The following EEPD1 variants were observed in gnomAD, a reference collection of about 807,000 sequenced individuals.
The protein encoded by EEPD1 is endonuclease/exonuclease/phosphatase family domain containing 1.
Under a neutral mutation model 46.3 loss-of-function variants are expected in EEPD1, and 17 were observed. The ratio of observed to expected loss-of-function variants is 0.37; its 90% CI spans 0.25 to 0.55. The LOEUF (loss-of-function observed/expected upper bound fraction) is 0.55, where lower values mean the gene tolerates loss of function less well. Among genes scored for constraint, EEPD1 ranks in the 20% least tolerant of loss-of-function variants. EEPD1 has a pLI of 0.83. For synonymous variants in EEPD1, 313 were observed against 315.6 expected, an observed-to-expected ratio of 0.99 and a Z score of 0.09; for missense variants, 673 against 745.6, an observed-to-expected ratio of 0.90 and a Z score of 1.13.
chr7:36,281,114 G>A lies in EEPD1; in HGVS notation c.931-1G>A. Reference sequence around the variant, plus strand: ...TTCTGACCTGTGCTCTGTCTTTGCAGTTCTGCACGGAGCTAAACCAGCCGA... The same window carrying A: ...TTCTGACCTGTGCTCTGTCTTTGCAATTCTGCACGGAGCTAAACCAGCCGA... On this transcript the variant is annotated splice_acceptor_variant, in intron 3 of 7. Coordinates refer to ENST00000242108, the MANE Select transcript of EEPD1 (RefSeq NM_030636.3). LOFTEE classifies it high-confidence loss of function. The A allele has an allele frequency of 1.9e-6, 3 of 1,614,008 alleles. No individual in the cohort carries two copies. The highest frequency in any genetic ancestry group is 2.5e-6 in the Non-Finnish European group (3 of 1,180,032).
chr7:36,218,101 T>C (rs1007131130), intron 2 of EEPD1, among the ~76,000 whole-genome samples: 1 of 152,204 alleles, frequency 6.6e-6, no homozygotes, highest in African/African-American at 2.4e-5. Flanking sequence ...GCAGAAACGA[T>C]ACTCTGATTG....
chr7:36,156,285 C>T (rs1474029602), intron 2 of EEPD1, among the ~76,000 whole-genome samples: 2 of 152,132 alleles, frequency 1.3e-5, no homozygotes, highest in Admixed American at 6.5e-5. Context: ...CAGGTCACAA[C>T]GTTTCCTTGG....
intron 2 of EEPD1, among the ~76,000 whole-genome samples, chr7:36,200,402 A>G (rs1785693478): frequency 6.6e-6 from 1 of 152,252 alleles, no homozygotes; most frequent in Admixed American, 6.5e-5. Flanking sequence ...TAAGTTGATT[A>G]CATGACTTTA....
intron 3 of EEPD1, among the ~76,000 whole-genome samples, chr7:36,266,631 A>G (rs1787023421): frequency 6.6e-6 from 1 of 152,226 alleles, no homozygotes; most frequent in Non-Finnish European, 1.5e-5. Context: ...ATTCAGCGGC[A>G]TTTAGGAGAG....
chr7:36,285,670 G>A (rs142165750), intron 5 of EEPD1, among the ~76,000 whole-genome samples: 4 of 152,312 alleles, frequency 2.6e-5, no homozygotes, highest in Admixed American at 2.6e-4. Flanking sequence ...CCGGTGCCTT[G>A]GAGCTCAGCA....
At chr7:36,175,037 G>A (rs1785152178) in intron 2 of EEPD1, among the ~76,000 whole-genome samples, 1 of 152,196 alleles carries the variant, frequency 6.6e-6, no homozygotes, top group South Asian at 2.1e-4. Context: ...TACAGAAAGA[G>A]CTGGATTGGT....
At chr7:36,157,362 G>T (rs12154575) in intron 2 of EEPD1, among the ~76,000 whole-genome samples, 43,991 of 152,120 alleles carry the variant, frequency 0.29, 6,601 homozygotes, top group African/African-American at 0.38. Context: ...AATGTGAAGG[G>T]TAGAGAATAG....
chr7:36,183,083 C>T (rs996449380), intron 2 of EEPD1, among the ~76,000 whole-genome samples: 3 of 152,164 alleles, frequency 2.0e-5, no homozygotes, highest in African/African-American at 4.8e-5. Context: ...GCCAGGAGGG[C>T]GGCCTCATCC....
chr7:36,274,919 A>T (rs1046506366), intron 3 of EEPD1, among the ~76,000 whole-genome samples: 1 of 152,190 alleles, frequency 6.6e-6, no homozygotes, highest in Non-Finnish European at 1.5e-5. Flanking sequence ...ATGAAAGTTC[A>T]GTCTCCTGAC....
chr7:36,195,564 G>A (rs868709519), intron 2 of EEPD1, among the ~76,000 whole-genome samples: 1 of 152,190 alleles, frequency 6.6e-6, no homozygotes, highest in Non-Finnish European at 1.5e-5. Context: ...GAAGCAGAGA[G>A]TAGAATGGTG....
chr7:36,243,721 C>T (rs1011627794), intron 3 of EEPD1, among the ~76,000 whole-genome samples: 9 of 152,088 alleles, frequency 5.9e-5, no homozygotes, highest in African/African-American at 2.2e-4. Flanking sequence ...TTATGTAAAA[C>T]CTAATGTGAG....
intron 2 of EEPD1, among the ~76,000 whole-genome samples, chr7:36,186,113 G>A (rs540241703): frequency 2.0e-5 from 3 of 152,270 alleles, no homozygotes; most frequent in Non-Finnish European, 4.4e-5. Context: ...AGCAAAATAT[G>A]AGCTTTGCAT....
intron 2 of EEPD1, among the ~76,000 whole-genome samples, chr7:36,237,756 G>C (rs182209852): frequency 6.6e-6 from 1 of 152,076 alleles, no homozygotes; most frequent in Non-Finnish European, 1.5e-5. Flanking sequence ...TTCAAGACCC[G>C]CCTGGCCAAC....
intron 2 of EEPD1, among the ~76,000 whole-genome samples, chr7:36,198,687 A>G (rs1396132898): frequency 6.6e-6 from 1 of 152,226 alleles, no homozygotes; most frequent in African/African-American, 2.4e-5. Flanking sequence ...TAGACATTCT[A>G]TATTCCTTGG....
intron 2 of EEPD1, among the ~76,000 whole-genome samples, chr7:36,156,900 T>TC (rs1784833972): frequency 6.6e-6 from 1 of 152,224 alleles, no homozygotes; most frequent in African/African-American, 2.4e-5. Context: ...CATGCAGAAC[T>TC]TTCCAGGTCT....
intron 2 of EEPD1, among the ~76,000 whole-genome samples, chr7:36,212,420 C>T (rs1309323588): frequency 6.6e-6 from 1 of 150,756 alleles, no homozygotes; most frequent in Admixed American, 6.7e-5. Flanking sequence ...CAAAGATATT[C>T]ATTAATCATA....
chr7:36,199,367 C>G (rs965719072), intron 2 of EEPD1, among the ~76,000 whole-genome samples: 1 of 152,132 alleles, frequency 6.6e-6, no homozygotes, highest in Non-Finnish European at 1.5e-5. Context: ...TACCTGCCCC[C>G]CCTTTAGAAT....
At position 36,229,639 on chromosome 7, in the gene EEPD1, C is replaced by T. The variant is rs1036681629; in HGVS notation, c.879-9346C>T. On this transcript the variant is annotated intron_variant, in intron 2 of 7. Coordinates refer to ENST00000242108, the MANE Select transcript of EEPD1 (RefSeq NM_030636.3). ...CATCATCTCCACCACCCCCTGCAGC[C>T]GCTCTCTCCAATGCCACCAGCCTTT... 2.6e-5 allele frequency among the ~76,000 whole-genome samples: 4 copies of T among 152,150 alleles called. No homozygotes were observed. In the East Asian group the frequency reaches 5.8e-4, roughly 22 times the overall value.
At chr7:36,292,306 T>A (rs1255794344) in intron 6 of EEPD1, among the ~76,000 whole-genome samples, 2 of 152,240 alleles carry the variant, frequency 1.3e-5, no homozygotes, top group Non-Finnish European at 2.9e-5. Flanking sequence ...GTCATCCAGC[T>A]GTTTTCTCTT....
Sources: gnomAD v4.1 joint callset for allele counts (sites outside exome capture counted in the v4.1 genomes callset) on GRCh38, gnomAD v4.1.1 for gene constraint, MANE v1.5 for transcripts, NCBI Gene and HGNC (gene_info 2026-07-23, HGNC 2026-07-21) for gene names.